SOX6: variants seen among roughly 807,000 people sequenced by gnomAD.
SOX6 encodes the protein transcription factor SOX-6.
In SOX6, 11 loss-of-function variants were observed where a neutral mutation model predicts 97.8. The observed-to-expected ratio is 0.11, with a 90% CI of 0.07 to 0.19. The LOEUF (loss-of-function observed/expected upper bound fraction) is 0.19. Among genes scored for constraint, SOX6 ranks in the 10% least tolerant of loss-of-function variants. The pLI is 1.00. For synonymous variants in SOX6, 360 were observed against 371.4 expected (o/e 0.97, Z 0.35); for missense variants, 810 against 1,039.5 (o/e 0.78, Z 3.04).
At chr11:16,255,301 G>A (rs192737577) in intron 3 of SOX6, among the ~76,000 whole-genome samples, 1 of 152,102 alleles carries the variant, frequency 6.6e-6, no homozygotes, top group Non-Finnish European at 1.5e-5. Context: ...ACCAACAGCA[G>A]TTTACACATT....
chr11:16,206,134 A>G (rs991575934), intron 4 of SOX6, among the ~76,000 whole-genome samples: 1 of 152,070 alleles, frequency 6.6e-6, no homozygotes, highest in African/African-American at 2.4e-5. Flanking sequence ...GGTTAATATT[A>G]TGTGTTAATG....
At chr11:16,523,360 A>G (rs1248377971) in intron 4 of SOX6, among the ~76,000 whole-genome samples, 1 of 152,212 alleles carries the variant, frequency 6.6e-6, no homozygotes, top group Non-Finnish European at 1.5e-5. Context: ...ATGGAAACTG[A>G]ACAACCTGCT....
At chr11:16,040,395 T>A (rs1590151501) in intron 12 of SOX6, among the ~76,000 whole-genome samples, 2 of 152,016 alleles carry the variant, frequency 1.3e-5, no homozygotes, top group Admixed American at 1.3e-4. Flanking sequence ...AAGAACTTAA[T>A]GATTACATTC....
At chr11:16,006,483 GA>G (rs1854558352) in intron 13 of SOX6, among the ~76,000 whole-genome samples, 1 of 152,048 alleles carries the variant, frequency 6.6e-6, no homozygotes, top group Non-Finnish European at 1.5e-5. Context: ...AGATGAAAAA[GA>G]CGATTCTTCC....
intron 3 of SOX6, among the ~76,000 whole-genome samples, chr11:16,683,005 T>C (rs1392727325): frequency 5.3e-5 from 8 of 151,964 alleles, no homozygotes; most frequent in Non-Finnish European, 8.8e-5. Flanking sequence ...GAGAATAAAA[T>C]ACCTAGGAAT....
At chr11:16,187,809 C>A (rs1851523261) in intron 4 of SOX6, among the ~76,000 whole-genome samples, 1 of 152,038 alleles carries the variant, frequency 6.6e-6, no homozygotes, top group Admixed American at 6.6e-5. Context: ...GTACAGAATC[C>A]TTTTGTGAAT....
At chr11:16,285,106 A>G (rs1360024655) in intron 3 of SOX6, among the ~76,000 whole-genome samples, 1 of 152,214 alleles carries the variant, frequency 6.6e-6, no homozygotes, top group Non-Finnish European at 1.5e-5. Flanking sequence ...CAGATGAAAC[A>G]AACCTGCCAG....
chr11:16,628,561 T>C (rs1848657955), intron 3 of SOX6, among the ~76,000 whole-genome samples: 1 of 144,570 alleles, frequency 6.9e-6, no homozygotes, highest in Non-Finnish European at 1.5e-5. Flanking sequence ...AGGCGGAGGT[T>C]GCAGTGAGCC....
At chr11:16,590,856 A>G (rs754917137) in intron 4 of SOX6, among the ~76,000 whole-genome samples, 2 of 152,126 alleles carry the variant, frequency 1.3e-5, no homozygotes, top group Non-Finnish European at 2.9e-5. Context: ...GTACAAAAAT[A>G]TAGATAGATC....
chr11:16,404,231 C>G (rs1858630826), intron 1 of SOX6, among the ~76,000 whole-genome samples: 2 of 151,774 alleles, frequency 1.3e-5, no homozygotes, highest in African/African-American at 4.8e-5. Flanking sequence ...GTAAATAAGA[C>G]CTCTTGCTTC....
At chr11:16,118,469 A>T (rs1849406708) in intron 6 of SOX6, among the ~76,000 whole-genome samples, 1 of 152,244 alleles carries the variant, frequency 6.6e-6, no homozygotes, top group Admixed American at 6.5e-5. Flanking sequence ...ATCAACACTT[A>T]TCCCCTTTGT....
intron 4 of SOX6, among the ~76,000 whole-genome samples, chr11:16,508,660 T>C (rs1590227549): frequency 1.3e-5 from 2 of 151,834 alleles, no homozygotes; most frequent in African/African-American, 4.8e-5. Context: ...AGAGAGAGTA[T>C]AGACCCGAGG....
rs566826202 is a variant in SOX6 at position 15,972,292 on chromosome 11, A to C, written c.*517T>G. On this transcript the variant is annotated 3_prime_UTR_variant, in exon 16 of 16. Coordinates refer to ENST00000683767, the MANE Select transcript of SOX6 (RefSeq NM_001367873.1). Reference sequence around the variant, plus strand: ...CTACAAATGGAAAATTGGAATTCCGAGGCCTTTTGAATATGCTCTACATGC... The same window carrying C: ...CTACAAATGGAAAATTGGAATTCCGCGGCCTTTTGAATATGCTCTACATGC... The C allele has an allele frequency of 1.3e-5, 2 of 153,566 alleles. No homozygotes were observed. Among genetic ancestry groups the C allele is most frequent in the African/African-American group, 4.8e-5 (2 of 41,594 alleles). 9.5% of individuals were successfully genotyped at this position (153,566 alleles called of 1,614,324 possible).
At chr11:16,274,540 A>AT (rs1854342554) in intron 3 of SOX6, among the ~76,000 whole-genome samples, 1 of 152,140 alleles carries the variant, frequency 6.6e-6, no homozygotes, top group African/African-American at 2.4e-5. Context: ...AACAACAATT[A>AT]TTTTTCTTTA....
chr11:16,360,819 T>C (rs980232441), upstream of SOX6, among the ~76,000 whole-genome samples: 2 of 151,926 alleles, frequency 1.3e-5, no homozygotes, highest in Non-Finnish European at 2.9e-5. Flanking sequence ...CTGGCTAACA[T>C]GGTGAAACCC....
At chr11:16,499,227 G>A (rs920846820) in intron 4 of SOX6, among the ~76,000 whole-genome samples, 10 of 152,230 alleles carry the variant, frequency 6.6e-5, no homozygotes, top group African/African-American at 9.6e-5. Flanking sequence ...ATAACGAAAC[G>A]AAGGTTGAAA....
At chr11:16,466,123 T>C (rs950372503) in intron 1 of SOX6, among the ~76,000 whole-genome samples, 2 of 152,246 alleles carry the variant, frequency 1.3e-5, no homozygotes, top group Non-Finnish European at 2.9e-5. Context: ...TGTCTTTGAA[T>C]ACCTCCAGCA....
intron 6 of SOX6, among the ~76,000 whole-genome samples, chr11:16,173,994 T>A (rs1425817316): frequency 6.6e-6 from 1 of 150,916 alleles, no homozygotes; most frequent in Middle Eastern, 3.5e-3. Context: ...TACAGATGCA[T>A]GCCATCACAC....
rs553772539 is a variant in SOX6 at position 16,372,032 on chromosome 11, T to A, written c.-4-30780A>T. Among the ~76,000 whole-genome samples, 6 of 152,222 alleles carry A rather than the reference T, an allele frequency of 3.9e-5. No homozygotes were observed. In the Middle Eastern group the frequency reaches 0.017, roughly 431 times the overall value. On this transcript the variant is annotated intron_variant, in intron 1 of 15. Coordinates refer to the SOX6 transcript ENST00000396356. ...TAAATGACAGGTAAAACCTCCCAAA[T>A]TCAACATTTTATACTGCCTTAATTT...
Sources: gnomAD v4.1 joint callset for allele counts (sites outside exome capture counted in the v4.1 genomes callset) on GRCh38, gnomAD v4.1.1 for gene constraint, MANE v1.5 for transcripts, NCBI Gene and HGNC (gene_info 2026-07-23, HGNC 2026-07-21) for gene names.